AUTS2: variants seen among roughly 807,000 people sequenced by gnomAD.
AUTS2 encodes the protein autism susceptibility gene 2 protein.
Under a neutral mutation model 112.4 loss-of-function variants are expected in AUTS2, and 17 were observed. That is an observed-to-expected ratio of 0.15 (90% CI 0.10 to 0.23). AUTS2 has a LOEUF of 0.23. Ranked by LOEUF, AUTS2 falls within the 10% of genes least tolerant of loss-of-function variation. AUTS2 has a pLI of 1.00. For synonymous variants in AUTS2, 751 were observed against 702.7 expected (o/e 1.07, Z -1.09); for missense variants, 1,510 against 1,701.6 (o/e 0.89, Z 1.98).
At chr7:69,874,945 A>T (rs192062306) in intron 1 of AUTS2, among the ~76,000 whole-genome samples, 2 of 151,328 alleles carry the variant, frequency 1.3e-5, no homozygotes, top group African/African-American at 4.9e-5. Context: ...CATCTGTTTG[A>T]TGTTGGGTAT....
At chr7:70,074,188 T>C (rs1183222721) in intron 2 of AUTS2, among the ~76,000 whole-genome samples, 1 of 152,216 alleles carries the variant, frequency 6.6e-6, no homozygotes, top group Non-Finnish European at 1.5e-5. Context: ...GTAGATTGAT[T>C]ATGGTTTAGC....
chr7:70,091,047 T>C (rs756091566), intron 2 of AUTS2, among the ~76,000 whole-genome samples: 10 of 152,200 alleles, frequency 6.6e-5, no homozygotes, highest in Admixed American at 2.0e-4. Context: ...TGAAAACATC[T>C]TCATTTTACT....
At chr7:69,976,767 T>C (rs993861458) in intron 2 of AUTS2, among the ~76,000 whole-genome samples, 2 of 152,226 alleles carry the variant, frequency 1.3e-5, no homozygotes, top group African/African-American at 4.8e-5. Context: ...ATTCAAACTT[T>C]TTTTCATTTT....
At chr7:69,867,507 C>T (rs1049673206) in intron 1 of AUTS2, among the ~76,000 whole-genome samples, 1 of 152,102 alleles carries the variant, frequency 6.6e-6, no homozygotes. Flanking sequence ...AAAATATGGT[C>T]GTGAATATTT....
At chr7:69,735,748 T>G (rs1056280094) in intron 1 of AUTS2, among the ~76,000 whole-genome samples, 4 of 152,202 alleles carry the variant, frequency 2.6e-5, no homozygotes, top group African/African-American at 9.6e-5. Context: ...ACAAGGAGTC[T>G]TGTGAGCTCC....
chr7:70,711,638 G>A (rs1261264666), intron 6 of AUTS2, among the ~76,000 whole-genome samples: 1 of 152,218 alleles, frequency 6.6e-6, no homozygotes, highest in Non-Finnish European at 1.5e-5. Context: ...ACAGTGGGTT[G>A]TGCTGACACC....
chr7:70,181,742 G>A (rs1809317411), intron 4 of AUTS2, among the ~76,000 whole-genome samples: 1 of 150,844 alleles, frequency 6.6e-6, no homozygotes, highest in Non-Finnish European at 1.5e-5. Context: ...GCCCCCCTCG[G>A]CCTCCCAAAG....
chr7:70,764,937 C>T lies in AUTS2; in HGVS notation c.1400C>T (p.Pro467Leu). 6.2e-7 allele frequency: 1 copy of T among 1,613,058 alleles called. No homozygotes were observed. The highest frequency in any genetic ancestry group is 1.1e-5 in the South Asian group (1 of 91,010). ...ATGTTTGCCCCTCCCACTGCTCTGC[C>T]TCCTCCACCACCACTGACATCAGGA... ...PNMFAPPTALPPPPPLTSGSL... is the reference protein window; with the variant it reads ...PNMFAPPTALLPPPPLTSGSL... The change falls in exon 8 of 19, where the codon CCT becomes CTT. Residue 467 changes from proline to leucine, a missense_variant. Pro to Leu is a moderately conservative substitution (Grantham distance 98). Transcript: ENST00000342771.
chr7:69,615,758 G>A (rs970065491), intron 1 of AUTS2, among the ~76,000 whole-genome samples: 24 of 152,178 alleles, frequency 1.6e-4, no homozygotes, highest in African/African-American at 5.3e-4. Context: ...AGCCCATATG[G>A]CCATTGTAAA....
At chr7:70,707,930 T>A (rs895787063) in intron 6 of AUTS2, among the ~76,000 whole-genome samples, 2 of 152,140 alleles carry the variant, frequency 1.3e-5, no homozygotes, top group Non-Finnish European at 2.9e-5. Flanking sequence ...GGGAATGGCG[T>A]TCTGTGGGCT....
chr7:70,716,639 A>G (rs1231912846), intron 6 of AUTS2, among the ~76,000 whole-genome samples: 6 of 85,502 alleles, frequency 7.0e-5, no homozygotes, highest in African/African-American at 2.3e-4. Flanking sequence ...TCCGTCTCAA[A>G]AAAAAAAAAA....
intron 5 of AUTS2, among the ~76,000 whole-genome samples, chr7:70,470,701 A>C (rs1797345673): frequency 6.6e-6 from 1 of 152,056 alleles, no homozygotes; most frequent in African/African-American, 2.4e-5. Flanking sequence ...CGGGGAGACA[A>C]TCAGGAGGAG....
At position 69,680,996 on chromosome 7, in the gene AUTS2, C is replaced by G. The variant is rs1298191892; in HGVS notation, c.309+81034C>G. Among the ~76,000 whole-genome samples, 3 of 152,324 alleles carry G rather than the reference C, an allele frequency of 2.0e-5. No individual in the cohort carries two copies. The East Asian group carries it at 5.8e-4, about 29-fold the overall frequency. ...AATTTGAGTATTTTAGATACCTCAT[C>G]TAAATGGAATTACATAGTATTTGTC... On this transcript the variant is annotated intron_variant, in intron 1 of 18. Coordinates refer to ENST00000342771, the MANE Select transcript of AUTS2 (RefSeq NM_015570.4).
At chr7:70,414,323 A>C (rs1483864391) in intron 4 of AUTS2, among the ~76,000 whole-genome samples, 2 of 152,330 alleles carry the variant, frequency 1.3e-5, no homozygotes, top group African/African-American at 2.4e-5. Context: ...GAGACATTTT[A>C]ATCAAAGCAC....
At chr7:70,248,236 G>A (rs551285444) in intron 4 of AUTS2, among the ~76,000 whole-genome samples, 68 of 152,210 alleles carry the variant, frequency 4.5e-4, no homozygotes, top group African/African-American at 1.4e-3. Flanking sequence ...AGCCTTCCTA[G>A]TAGCTGGGAC....
At chr7:69,932,259 G>A (rs1796253614) in intron 2 of AUTS2, among the ~76,000 whole-genome samples, 1 of 152,162 alleles carries the variant, frequency 6.6e-6, no homozygotes, top group Non-Finnish European at 1.5e-5. Flanking sequence ...TTTTGTTGCT[G>A]AAAAATCCAG....
chr7:70,513,258 T>A (rs183131124), intron 5 of AUTS2, among the ~76,000 whole-genome samples: 59 of 152,324 alleles, frequency 3.9e-4, no homozygotes, highest in Admixed American at 1.1e-3. Flanking sequence ...TCAAGATTTA[T>A]GAAACCTCTG....
chr7:69,687,730 A>G (rs1211282522), intron 1 of AUTS2, among the ~76,000 whole-genome samples: 2 of 152,296 alleles, frequency 1.3e-5, no homozygotes, highest in African/African-American at 2.4e-5. Context: ...CCTAACGCGT[A>G]TGATAACCCA....
chr7:69,767,069 G>A (rs1273075009), intron 1 of AUTS2, among the ~76,000 whole-genome samples: 1 of 152,196 alleles, frequency 6.6e-6, no homozygotes, highest in African/African-American at 2.4e-5. Flanking sequence ...ATGTGCGCAC[G>A]TTTGTACGTG....
Sources: allele counts gnomAD v4.1 joint callset (sites outside exome capture counted in the v4.1 genomes callset), GRCh38; gene constraint gnomAD v4.1.1; transcripts MANE v1.5; gene names NCBI Gene and HGNC (gene_info 2026-07-23, HGNC 2026-07-21).